The following STARD13 variants were observed in gnomAD, a reference collection of about 807,000 sequenced individuals.
STARD13 encodes the protein stAR-related lipid transfer protein 13.
STARD13 carries 62 observed loss-of-function variants against 106.4 expected under a neutral mutation model. The observed-to-expected ratio is 0.58, with a 90% confidence interval of 0.48 to 0.72. The LOEUF (loss-of-function observed/expected upper bound fraction) is 0.72. Ranked by LOEUF, STARD13 falls within the 30% of genes least tolerant of loss-of-function variation. STARD13 has a pLI of 0.00. For synonymous variants in STARD13, 565 were observed against 553.0 expected, an observed-to-expected ratio of 1.02 and a Z score of -0.31; for missense variants, 1,387 against 1,424.0, an observed-to-expected ratio of 0.97 and a Z score of 0.42.
Position 33,236,337 on chromosome 13 carries a change from A to G in STARD13, c.169+49133T>C, listed in dbSNP as rs141219616. ...CAGGACCCTCCTCAAACGCCTTGTT[A>G]GTGTTTCTGTGGAGAGGAATAAGGA... On this transcript the variant is annotated intron_variant, in intron 1 of 13. Coordinates refer to ENST00000336934, the MANE Select transcript of STARD13 (RefSeq NM_178006.4). 2.9e-3 allele frequency among the ~76,000 whole-genome samples: 435 copies of G among 152,284 alleles called. 1 individual carries two copies. The highest frequency in any genetic ancestry group is 9.5e-3 in the African/African-American group (394 of 41,558).
At chr13:33,580,062 A>G in the STARD13 span, among the ~76,000 whole-genome samples, 1 of 152,140 alleles carries the variant, frequency 6.6e-6, no homozygotes, top group African/African-American at 2.4e-5. Context: ...ACTCCTTGGT[A>G]TTAACCCAAA....
At chr13:33,303,068 C>G (rs1892778839) in intron 1 of STARD13, among the ~76,000 whole-genome samples, 1 of 152,094 alleles carries the variant, frequency 6.6e-6, no homozygotes, top group Non-Finnish European at 1.5e-5. Context: ...TCTTCTCACT[C>G]CTTCAATTCC....
chr13:33,432,713 C>T, the STARD13 span, among the ~76,000 whole-genome samples: 2 of 152,108 alleles, frequency 1.3e-5, no homozygotes, highest in East Asian at 3.9e-4. Flanking sequence ...TTATAAAAGG[C>T]ATTTTCAGAA....
chr13:33,383,822 T>C, the STARD13 span: 1 of 145,296 alleles, frequency 6.9e-6, no homozygotes, highest in Non-Finnish European at 1.5e-5. Flanking sequence ...TTTCTAGTCA[T>C]CTGCATGTCT....
chr13:33,668,862 C>T, the STARD13 span, among the ~76,000 whole-genome samples: 5 of 152,088 alleles, frequency 3.3e-5, no homozygotes, highest in African/African-American at 1.2e-4. Flanking sequence ...TAGAGGCTAA[C>T]TAAAAACAGC....
chr13:33,588,060 A>G, the STARD13 span, among the ~76,000 whole-genome samples: 13 of 152,196 alleles, frequency 8.5e-5, no homozygotes, highest in Non-Finnish European at 1.6e-4. Flanking sequence ...ATTCTCCTAA[A>G]TCTTCTCTAC....
chr13:33,638,499 C>T, the STARD13 span, among the ~76,000 whole-genome samples: 1 of 152,110 alleles, frequency 6.6e-6, no homozygotes, highest in African/African-American at 2.4e-5. Flanking sequence ...TATCTAAAGA[C>T]CTGAAATCAA....
intron 4 of STARD13, among the ~76,000 whole-genome samples, chr13:33,140,502 C>T (rs1172610949): frequency 1.3e-5 from 2 of 152,204 alleles, no homozygotes; most frequent in South Asian, 4.1e-4. Context: ...ACAAACTGCT[C>T]ATGTTTTAAT....
At chr13:33,185,721 T>C (rs1885695242) in intron 1 of STARD13, among the ~76,000 whole-genome samples, 1 of 152,224 alleles carries the variant, frequency 6.6e-6, no homozygotes, top group Admixed American at 6.5e-5. Context: ...GTCAATTCTT[T>C]TCCTCTTTGC....
the STARD13 span, among the ~76,000 whole-genome samples, chr13:33,568,414 G>A: frequency 6.8e-6 from 1 of 148,078 alleles, no homozygotes; most frequent in Admixed American, 7.0e-5. Context: ...TTCTCCTGTG[G>A]CAATTATTTG....
At chr13:33,531,758 A>G in the STARD13 span, among the ~76,000 whole-genome samples, 1 of 152,304 alleles carries the variant, frequency 6.6e-6, no homozygotes, top group African/African-American at 2.4e-5. Context: ...TGAATGTAAG[A>G]CTACAGGACT....
chr13:33,149,149 A>G (rs1880934102), intron 3 of STARD13, among the ~76,000 whole-genome samples: 1 of 152,196 alleles, frequency 6.6e-6, no homozygotes, highest in African/African-American at 2.4e-5. Flanking sequence ...GCCAAAACCC[A>G]CAGAATATAT....
intron 1 of STARD13, among the ~76,000 whole-genome samples, chr13:33,314,555 C>G (rs546431001): frequency 3.5e-4 from 53 of 152,288 alleles, no homozygotes; most frequent in African/African-American, 1.3e-3. Flanking sequence ...ATATTCTAGG[C>G]TCTTTGTTAA....
chr13:33,590,010 T>G, the STARD13 span, among the ~76,000 whole-genome samples: 1 of 152,184 alleles, frequency 6.6e-6, no homozygotes, highest in South Asian at 2.1e-4. Context: ...ATATTTAGGA[T>G]AGTTAGCTCT....
the STARD13 span, among the ~76,000 whole-genome samples, chr13:33,367,529 T>C: frequency 1.3e-5 from 2 of 152,082 alleles, no homozygotes; most frequent in Non-Finnish European, 2.9e-5. Flanking sequence ...AATTTTTAGA[T>C]AGTAAAAACA....
intron 1 of STARD13, among the ~76,000 whole-genome samples, chr13:33,241,830 G>T (rs938217336): frequency 3.9e-5 from 6 of 152,118 alleles, no homozygotes; most frequent in African/African-American, 1.2e-4. Flanking sequence ...ACGGAGTCGC[G>T]CTCACTCAGT....
chr13:33,635,255 C>G, the STARD13 span, among the ~76,000 whole-genome samples: 1 of 138,048 alleles, frequency 7.2e-6, no homozygotes, highest in African/African-American at 3.4e-5. Context: ...CCAGACTGCC[C>G]GGGGTTAAAA....
At chr13:33,342,682 G>A (rs2077973912) in intron 1 of STARD13, among the ~76,000 whole-genome samples, 1 of 152,026 alleles carries the variant, frequency 6.6e-6, no homozygotes, top group East Asian at 1.9e-4. Flanking sequence ...AGAGGCACGA[G>A]CCACCATGCC....
intron 1 of STARD13, among the ~76,000 whole-genome samples, chr13:33,198,201 A>C (rs1016385410): frequency 6.6e-6 from 1 of 152,196 alleles, no homozygotes; most frequent in East Asian, 1.9e-4. Flanking sequence ...CTGTTTCAAC[A>C]CCAAATATGT....
Sources: gnomAD v4.1 joint callset for allele counts (sites outside exome capture counted in the v4.1 genomes callset) on GRCh38, gnomAD v4.1.1 for gene constraint, MANE v1.5 for transcripts, NCBI Gene and HGNC (gene_info 2026-07-23, HGNC 2026-07-21) for gene names.